The following DYRK1A variants were observed in gnomAD, a reference collection of about 807,000 sequenced individuals.
DYRK1A encodes dual specificity tyrosine phosphorylation regulated kinase 1A, also known as dual specificity tyrosine-phosphorylation-regulated kinase 1A.
DYRK1A carries 9 observed loss-of-function variants against 79.7 expected under a neutral mutation model. The ratio of observed to expected loss-of-function variants is 0.11; its 90% CI spans 0.07 to 0.20. DYRK1A has a LOEUF of 0.20. Ranked by LOEUF, DYRK1A falls within the 10% of genes least tolerant of loss-of-function variation. The probability of loss-of-function intolerance (pLI) is 1.00; values close to 1 mark genes in which losing one functional copy is unlikely to be tolerated. For missense variants in DYRK1A, 622 were observed against 956.0 expected (o/e 0.65, Z 4.61); for synonymous variants, 349 against 329.7 (o/e 1.06, Z -0.63).
chr21:37,404,732 T>C (rs892164062), intron 1 of DYRK1A, among the ~76,000 whole-genome samples: 1 of 152,186 alleles, frequency 6.6e-6, no homozygotes, highest in African/African-American at 2.4e-5. Flanking sequence ...GGCGCAAATA[T>C]TTTCTTCAGT....
intron 2 of DYRK1A, among the ~76,000 whole-genome samples, chr21:37,458,304 G>GTGTGTGTGTGTGTGTA (rs1366699533): frequency 2.5e-4 from 37 of 150,782 alleles, no homozygotes; most frequent in Admixed American, 7.3e-4. Context: ...GTGTGTGTGT[G>GTGTGTGTGTGTGTGTA]TGTACATATA....
chr21:37,479,059 G>T (rs2061284217), intron 4 of DYRK1A, among the ~76,000 whole-genome samples: 1 of 152,156 alleles, frequency 6.6e-6, no homozygotes, highest in African/African-American at 2.4e-5. Flanking sequence ...CTTCTAGTGG[G>T]AGCCCTGCAC....
intron 1 of DYRK1A, among the ~76,000 whole-genome samples, chr21:37,377,544 C>G (rs9982748): frequency 0.19 from 28,430 of 152,166 alleles, 2,914 homozygotes; most frequent in East Asian, 0.36. Context: ...TCATAGTTCA[C>G]TGCAGCCTTG....
At chr21:37,453,245 G>C (rs1248402293) in intron 2 of DYRK1A, among the ~76,000 whole-genome samples, 1 of 152,148 alleles carries the variant, frequency 6.6e-6, no homozygotes. Flanking sequence ...ATGTTGCTAA[G>C]TCCTTAATCT....
intron 3 of DYRK1A, 104 bp from the exon 4 acceptor site, chr21:37,478,104 A>G: frequency 6.7e-7 from 1 of 1,495,382 alleles, no homozygotes; most frequent in Non-Finnish European, 9.1e-7. Context: ...GTCTTTAAAA[A>G]AGTAGATACA....
At chr21:37,447,136 C>A (rs1367345159) in intron 2 of DYRK1A, among the ~76,000 whole-genome samples, 1 of 152,158 alleles carries the variant, frequency 6.6e-6, no homozygotes, top group Admixed American at 6.5e-5. Context: ...TCCTCCCTGT[C>A]AATCTATGAT....
At chr21:37,420,807 A>G (rs1254878130) in intron 2 of DYRK1A, among the ~76,000 whole-genome samples, 1 of 152,066 alleles carries the variant, frequency 6.6e-6, no homozygotes, top group Non-Finnish European at 1.5e-5. Context: ...ACCCATACAT[A>G]CGGTTTCTTA....
chr21:37,394,465 T>C (rs1249332291), intron 1 of DYRK1A, among the ~76,000 whole-genome samples: 1 of 152,192 alleles, frequency 6.6e-6, no homozygotes, highest in Non-Finnish European at 1.5e-5. Context: ...ATGAATACTT[T>C]ATGGCAGGGG....
At chr21:37,437,474 T>C (rs924161106) in intron 2 of DYRK1A, among the ~76,000 whole-genome samples, 92 of 152,240 alleles carry the variant, frequency 6.0e-4, no homozygotes, top group African/African-American at 2.0e-3. Flanking sequence ...CTTTATTGTG[T>C]TATAATTGGC....
rs1569392809 is a variant in DYRK1A at position 37,501,182 on chromosome 21, T to TTTTTTTTTTTTTTTTTG, written c.1213-4094_1213-4093insTTTTTTTTTGTTTTTTT. ...TTGTTGTTGGTTTTTTTTTTTTTTT[T>TTTTTTTTTTTTTTTTTG]TTTTTTTAAGACGGAGTCTCGCTCT... On this transcript the variant is annotated intron_variant, in intron 9 of 11. Coordinates refer to ENST00000647188, the MANE Select transcript of DYRK1A (RefSeq NM_001347721.2). 3.5e-5 allele frequency: 5 copies of TTTTTTTTTTTTTTTTTG among 143,716 alleles called. 1 individual carries two copies. Among genetic ancestry groups the TTTTTTTTTTTTTTTTTG allele is most frequent in the African/African-American group, 1.3e-4 (5 of 37,734 alleles). 8.9% of individuals were successfully genotyped at this position (143,716 alleles called of 1,614,324 possible). A position where few individuals can be genotyped will look rare whatever the true frequency, so the allele number is the denominator to read the frequency against.
At chr21:37,487,643 C>T (rs774952077) in intron 6 of DYRK1A, 5 of 151,986 alleles carry the variant, frequency 3.3e-5, no homozygotes, top group Admixed American at 6.6e-5. Context: ...TTTAAGAAAA[C>T]GTTATGATTC....
intron 1 of DYRK1A, among the ~76,000 whole-genome samples, chr21:37,388,659 T>G (rs549751788): frequency 7.2e-5 from 11 of 151,944 alleles, no homozygotes; most frequent in African/African-American, 2.7e-4. Flanking sequence ...TCTCCATTTT[T>G]TTTTTTTCGG....
At chr21:37,510,443 A>G (rs1164664132) in intron 11 of DYRK1A, among the ~76,000 whole-genome samples, 1 of 152,238 alleles carries the variant, frequency 6.6e-6, no homozygotes, top group Non-Finnish European at 1.5e-5. Context: ...TTGCCTTCCT[A>G]GAGCTTACAG....
chr21:37,481,639 G>T (rs1276709450), intron 5 of DYRK1A: 2 of 152,118 alleles, frequency 1.3e-5, no homozygotes, highest in African/African-American at 4.8e-5. Context: ...CAGGTAATCC[G>T]CTCACCTTGG....
At chr21:37,392,351 C>G (rs1392071651) in intron 1 of DYRK1A, among the ~76,000 whole-genome samples, 1 of 152,124 alleles carries the variant, frequency 6.6e-6, no homozygotes, top group Non-Finnish European at 1.5e-5. Context: ...TCATTAGTTC[C>G]TTCCTTTCTT....
intron 1 of DYRK1A, among the ~76,000 whole-genome samples, chr21:37,376,089 G>C (rs1056804391): frequency 6.6e-6 from 1 of 152,148 alleles, no homozygotes; most frequent in African/African-American, 2.4e-5. Flanking sequence ...TCCACTGGGA[G>C]TGGTCAAAGG....
chr21:37,417,529 CTTTTTTTTTT>C (rs3216074), intron 1 of DYRK1A, among the ~76,000 whole-genome samples: 50 of 44,042 alleles, frequency 1.1e-3, no homozygotes, highest in Admixed American at 1.9e-3. Flanking sequence ...TTTTCTTTTT[CTTTTTTTTTT>C]TTTTTTTTTT....
At position 37,512,627 on chromosome 21, in the gene DYRK1A, A is replaced by T; in HGVS notation, c.*96A>T. 7.0e-7 allele frequency: 1 copy of T among 1,419,718 alleles called. No homozygotes were observed. Among genetic ancestry groups the T allele is most frequent in the Non-Finnish European group, 9.6e-7 (1 of 1,042,946 alleles). The allele number at this position is 1,419,718 out of a possible 1,614,324, so 87.9% of individuals were successfully genotyped here. On this transcript the variant is annotated 3_prime_UTR_variant, in exon 12 of 12. Transcript: ENST00000647188. ...GCAAAGCTGCTTGAATCAGGAGGAG[A>T]TTAACACACTGAACCGCTACAAGAG...
rs1569407835 is a variant in DYRK1A, at chr21:37,512,908, A to AG, written c.*380dup. On this transcript the variant is annotated 3_prime_UTR_variant, in exon 12 of 12. Coordinates refer to ENST00000647188, the MANE Select transcript of DYRK1A (RefSeq NM_001347721.2). ...AAGGCACTGCACATAATTTGCATAA[A>AG]GGGCCCCATGAGGGTGTTTTTTTTT... 6.3e-6 allele frequency: 1 copy of AG among 158,384 alleles called. No homozygotes were observed. The allele number at this position is 158,384 out of a possible 1,614,324, so 9.8% of individuals were successfully genotyped here.
Sources: gnomAD v4.1 joint callset for allele counts (sites outside exome capture counted in the v4.1 genomes callset) on GRCh38, gnomAD v4.1.1 for gene constraint, MANE v1.5 for transcripts, NCBI Gene and HGNC (gene_info 2026-07-23, HGNC 2026-07-21) for gene names.